ARAP2: variants seen among roughly 807,000 people sequenced by gnomAD.
ARAP2 encodes ArfGAP with RhoGAP domain, ankyrin repeat and PH domain 2, also known as arf-GAP with Rho-GAP domain, ANK repeat and PH domain-containing protein 2.
ARAP2 carries 148 observed loss-of-function variants against 194.5 expected under a neutral mutation model. That is an observed-to-expected ratio of 0.76 (90% CI 0.67 to 0.87). The LOEUF is 0.87. Ranked by LOEUF, ARAP2 falls within the 40% of genes least tolerant of loss-of-function variation. ARAP2 has a pLI of 0.00. For missense variants in ARAP2, 2,128 were observed against 1,989.7 expected, an observed-to-expected ratio of 1.07 and a Z score of -1.32; for synonymous variants, 695 against 683.5, an observed-to-expected ratio of 1.02 and a Z score of -0.26.
chr4:36,043,243 C>T (rs1460892351), intron 5 of ARAP2, among the ~76,000 whole-genome samples: 1 of 152,170 alleles, frequency 6.6e-6, no homozygotes, highest in African/African-American at 2.4e-5. Context: ...ACCATGCTAA[C>T]AAAGACATCC....
intron 29 of ARAP2, among the ~76,000 whole-genome samples, chr4:36,082,742 G>T (rs1306280010): frequency 6.6e-6 from 1 of 152,126 alleles, no homozygotes; most frequent in African/African-American, 2.4e-5. Flanking sequence ...TGATGTTCAT[G>T]ATACTAAGTA....
At chr4:36,163,814 A>C (rs1259401651) in intron 11 of ARAP2, among the ~76,000 whole-genome samples, 2 of 152,232 alleles carry the variant, frequency 1.3e-5, no homozygotes, top group East Asian at 3.8e-4. Flanking sequence ...CGTCTCTTCC[A>C]ATGAAACTGG....
Position 36,073,702 on chromosome 4 carries a change from C to A in ARAP2, c.4730G>T (p.Arg1577Leu), listed in dbSNP as rs756827945. The A allele has an allele frequency of 3.1e-6, 5 of 1,609,600 alleles. No homozygotes were observed. Among genetic ancestry groups the A allele is most frequent in the Admixed American group, 3.4e-5 (2 of 59,668 alleles). Residue 1577 changes from arginine (R) to leucine (L), a missense_variant, in exon 32 of 33, where the codon CGG becomes CTG. Coordinates refer to ENST00000303965, the MANE Select transcript of ARAP2 (RefSeq NM_015230.4). The stretch of plus-strand genomic sequence containing the variant: ...ATCCTAACCTACCTCAATATTTTTC[C>A]GGGCCAAGGTTGCATTCCCCTCATG... ...IQHEGNATLA[R>L]KNIESARAEL...
intron 9 of ARAP2, among the ~76,000 whole-genome samples, chr4:36,177,507 T>C (rs927082260): frequency 2.6e-5 from 4 of 152,148 alleles, no homozygotes; most frequent in African/African-American, 4.8e-5. Flanking sequence ...TAAGGGTTCA[T>C]TGGTCCTTAA....
intron 26 of ARAP2, among the ~76,000 whole-genome samples, chr4:36,112,986 G>C (rs896988919): frequency 6.6e-6 from 1 of 151,786 alleles, no homozygotes; most frequent in African/African-American, 2.4e-5. Context: ...GTTGCAGCAA[G>C]GAAAACCCAA....
intron 9 of ARAP2, among the ~76,000 whole-genome samples, chr4:36,168,702 G>C (rs1735868363): frequency 6.6e-6 from 1 of 151,876 alleles, no homozygotes; most frequent in Non-Finnish European, 1.5e-5. Context: ...TTTTTCTGAT[G>C]AAAGAACTAA....
intron 27 of ARAP2, among the ~76,000 whole-genome samples, chr4:36,105,816 T>C (rs74491676): frequency 3.2e-4 from 49 of 152,152 alleles, no homozygotes; most frequent in African/African-American, 1.1e-3. Context: ...TTTTAGGATC[T>C]AATTCTTATC....
intron 1 of ARAP2, among the ~76,000 whole-genome samples, chr4:36,239,645 CAT>C (rs1753129295): frequency 6.6e-6 from 1 of 152,156 alleles, no homozygotes; most frequent in Non-Finnish European, 1.5e-5. Flanking sequence ...GTTTAACAAG[CAT>C]AGAGTTTCAG....
chr4:36,069,275 G>T (rs1280775113), intron 32 of ARAP2, among the ~76,000 whole-genome samples: 1 of 151,948 alleles, frequency 6.6e-6, no homozygotes, highest in Admixed American at 6.5e-5. Flanking sequence ...GAATTTTCTG[G>T]TAAGATTCTG....
intron 3 of ARAP2, among the ~76,000 whole-genome samples, chr4:36,050,954 CATA>C (rs780308234): frequency 2.6e-5 from 4 of 152,136 alleles, no homozygotes; most frequent in African/African-American, 4.8e-5. Context: ...GGTAAAGTAA[CATA>C]ATGAGTATTA....
At chr4:36,165,722 T>A (rs1034511665) in intron 10 of ARAP2, among the ~76,000 whole-genome samples, 7 of 152,166 alleles carry the variant, frequency 4.6e-5, no homozygotes, top group African/African-American at 1.4e-4. Flanking sequence ...TACTGGGAAC[T>A]CGAGTGAATG....
intron 6 of ARAP2, among the ~76,000 whole-genome samples, chr4:36,201,661 TTTG>T (rs1398896468): frequency 1.3e-5 from 2 of 152,192 alleles, no homozygotes; most frequent in Admixed American, 6.5e-5. Flanking sequence ...GGTATCAGTT[TTTG>T]TTGTCTCAAA....
chr4:36,072,554 T>C (rs1727242734), intron 32 of ARAP2, among the ~76,000 whole-genome samples: 1 of 151,954 alleles, frequency 6.6e-6, no homozygotes, highest in Non-Finnish European at 1.5e-5. Context: ...GTTAGTTTCA[T>C]CTGTTCAGCC....
At chr4:36,012,409 T>C (rs1217208995) in intron 9 of ARAP2, among the ~76,000 whole-genome samples, 2 of 152,242 alleles carry the variant, frequency 1.3e-5, no homozygotes, top group Admixed American at 1.3e-4. Context: ...CTGATTATTT[T>C]TCAACTTTAC....
chr4:36,068,151 C>T lies in ARAP2; in HGVS notation c.4871G>A (p.Arg1624Gln), dbSNP rs1249697981. ...ACTCCGATGTTTTCGGGGTCGATTT[C>T]GAAGTTTATCGTCCTTGTGCTCCAG... ...HCLEHKDDKL[R>Q]NRPRKHRSFN... Residue 1624 changes from arginine (R) to glutamine (Q), a missense_variant, in exon 33 of 33, where the codon CGA becomes CAA. Physicochemically the swap from Arg to Gln is conservative, Grantham distance 43. Transcript: ENST00000303965. The T allele has an allele frequency of 8.7e-6, 14 of 1,613,734 alleles. No homozygotes were observed. The highest frequency in any genetic ancestry group is 2.2e-5 in the South Asian group (2 of 91,078).
chr4:36,123,910 T>C (rs1159965396), intron 22 of ARAP2, among the ~76,000 whole-genome samples: 1 of 151,744 alleles, frequency 6.6e-6, no homozygotes, highest in African/African-American at 2.4e-5. Context: ...CATAGAAGCA[T>C]CCCCTGGACC....
At chr4:36,199,593 T>C (rs1743927925) in intron 6 of ARAP2, among the ~76,000 whole-genome samples, 1 of 152,082 alleles carries the variant, frequency 6.6e-6, no homozygotes, top group Admixed American at 6.5e-5. Flanking sequence ...CCTGACCAAA[T>C]TAAAAACTTT....
intron 27 of ARAP2, among the ~76,000 whole-genome samples, chr4:36,093,513 TA>T (rs1482486310): frequency 2.6e-5 from 4 of 152,092 alleles, no homozygotes; most frequent in African/African-American, 9.6e-5. Context: ...ATAACAACAC[TA>T]AAAAAATTGT....
rs375557281 is a variant in ARAP2, at chr4:36,147,613, T to C, written c.3134A>G (p.His1045Arg). The change falls in exon 18 of 33, where the codon CAT becomes CGT. Residue 1045 changes from histidine to arginine, a missense_variant. His to Arg is a conservative substitution (Grantham distance 29). Transcript: ENST00000303965. ...GWFAMDKSSL[H>R]FCLQMQEVQG... ...AACTTCTTGCATTTGAAGGCAAAAA[T>C]GCAAGCTGGATTTGTCCATAGCAAA... is the stretch of plus-strand genomic sequence containing the variant. The C allele has an allele frequency of 3.7e-6, 6 of 1,613,672 alleles. No individual in the cohort carries two copies. In the South Asian group the frequency reaches 5.5e-5, roughly 15 times the overall value.
Sources: allele counts gnomAD v4.1 joint callset (sites outside exome capture counted in the v4.1 genomes callset), GRCh38; gene constraint gnomAD v4.1.1; transcripts MANE v1.5; gene names NCBI Gene and HGNC (gene_info 2026-07-23, HGNC 2026-07-21).